RTN3: variants seen among roughly 807,000 people sequenced by gnomAD.
The protein encoded by RTN3 is reticulon 3.
Under a neutral mutation model 77.8 loss-of-function variants are expected in RTN3, and 49 were observed. The observed-to-expected ratio is 0.63, with a 90% CI of 0.50 to 0.80. The LOEUF is 0.80. RTN3 is among the 30% of genes least tolerant of loss of function. The pLI, the probability that RTN3 is intolerant of heterozygous loss-of-function variation, is 0.00. For missense variants in RTN3, 1,236 were observed against 1,211.9 expected (o/e 1.02, Z -0.29); for synonymous variants, 464 against 446.9 (o/e 1.04, Z -0.48).
At chr11:63,732,161 A>G (rs1367603398) in intron 3 of RTN3, among the ~76,000 whole-genome samples, 1 of 152,050 alleles carries the variant, frequency 6.6e-6, no homozygotes, top group Non-Finnish European at 1.5e-5. Flanking sequence ...CAACAAAATT[A>G]TTTTTTATTT....
chr11:63,695,267 T>TAAA, intron 1 of RTN3, among the ~76,000 whole-genome samples: 1 of 152,376 alleles, frequency 6.6e-6, no homozygotes, highest in African/African-American at 2.4e-5. Context: ...TTAGATATTT[T>TAAA]GAGAACTAAG....
chr11:63,726,860 TGAAAAAAAAA>T (rs2012310986), intron 3 of RTN3, among the ~76,000 whole-genome samples: 1 of 89,456 alleles, frequency 1.1e-5, no homozygotes, highest in African/African-American at 3.9e-5. Flanking sequence ...AGACTCCGTC[TGAAAAAAAAA>T]AAAAAAAAGA....
intron 3 of RTN3, among the ~76,000 whole-genome samples, chr11:63,738,283 A>G (rs1258579982): frequency 6.6e-6 from 1 of 151,872 alleles, no homozygotes; most frequent in East Asian, 1.9e-4. Context: ...GGGATGTGTT[A>G]TAGACAAGTT....
chr11:63,727,132 A>G (rs1371067009), intron 3 of RTN3, among the ~76,000 whole-genome samples: 1 of 152,206 alleles, frequency 6.6e-6, no homozygotes, highest in Non-Finnish European at 1.5e-5. Flanking sequence ...CCTGGGTGAC[A>G]GAGTAAGACT....
chr11:63,736,210 A>T (rs774004747), intron 3 of RTN3, among the ~76,000 whole-genome samples: 9 of 152,070 alleles, frequency 5.9e-5, no homozygotes, highest in Non-Finnish European at 1.2e-4. Flanking sequence ...TCAGCTGGGG[A>T]AATCATGCTC....
At chr11:63,736,846 CAA>C (rs1316181299) in intron 3 of RTN3, among the ~76,000 whole-genome samples, 6 of 152,038 alleles carry the variant, frequency 3.9e-5, no homozygotes, top group Non-Finnish European at 8.8e-5. Flanking sequence ...TTATATAACT[CAA>C]ATGCAAAAAC....
rs2011639345 is a variant in RTN3 at position 63,720,007 on chromosome 11, A to G, written c.1505A>G (p.Asp502Gly). The G allele has an allele frequency of 6.2e-7, 1 of 1,614,070 alleles. No individual in the cohort carries two copies. Among genetic ancestry groups the G allele is most frequent in the Admixed American group, 1.7e-5 (1 of 60,002 alleles). Reference sequence around the variant, plus strand: ...GCTGATAGTTCTGGTGAGTCTGATGACACAGTAATAGAGGACATCACAGCA... The same window carrying G: ...GCTGATAGTTCTGGTGAGTCTGATGGCACAGTAATAGAGGACATCACAGCA... ...TEADSSGESDDTVIEDITADT... is the reference protein window; with the variant it reads ...TEADSSGESDGTVIEDITADT... The change falls in exon 3 of 9, where the codon GAC becomes GGC. Residue 502 changes from aspartate (D) to glycine (G), a missense_variant. By Grantham distance (94) the Asp-to-Gly change is moderately conservative. Transcript: ENST00000377819.
intron 3 of RTN3, among the ~76,000 whole-genome samples, chr11:63,736,269 C>T (rs2013113382): frequency 6.6e-6 from 1 of 152,226 alleles, no homozygotes; most frequent in Non-Finnish European, 1.5e-5. Context: ...CCTCTCACAA[C>T]ATGGTAGCTT....
Position 63,719,583 on chromosome 11 carries a change from A to G in RTN3, c.1081A>G (p.Lys361Glu). 6.2e-7 allele frequency: 1 copy of G among 1,614,146 alleles called. No individual in the cohort carries two copies. Among genetic ancestry groups the G allele is most frequent in the Non-Finnish European group, 8.5e-7 (1 of 1,180,032 alleles). Residue 361 changes from lysine to glutamate, a missense_variant, in exon 3 of 9, where the codon AAA becomes GAA. Around this residue, in one of 3 missense-constraint regions of RTN3, gnomAD observed 1,056 missense variants for 990.4 expected, o/e 1.07. Coordinates refer to ENST00000377819, the MANE Select transcript of RTN3 (RefSeq NM_001265589.2). ...QTDKSSDCIT[K>E]TTGLDMSEYN... ...CGATAAATCTTCTGACTGCATCACA[A>G]AAACTACAGGACTTGACATGAGTGA...
intron 1 of RTN3, among the ~76,000 whole-genome samples, chr11:63,701,937 CAAAAAT>C (rs1942256973): frequency 6.6e-6 from 1 of 151,842 alleles, no homozygotes; most frequent in Non-Finnish European, 1.5e-5. Context: ...AACTTTGTCT[CAAAAAT>C]AAATAAATAA....
chr11:63,723,106 A>G (rs1473094282), intron 3 of RTN3, among the ~76,000 whole-genome samples: 1 of 152,212 alleles, frequency 6.6e-6, no homozygotes, highest in Non-Finnish European at 1.5e-5. Flanking sequence ...GCTAATTATT[A>G]GTGATTATCA....
intron 1 of RTN3, among the ~76,000 whole-genome samples, chr11:63,696,868 TC>T (rs1941973859): frequency 1.4e-4 from 10 of 70,838 alleles, no homozygotes; most frequent in Non-Finnish European, 2.1e-4. Context: ...TTTCTTTCTT[TC>T]TTTCTTTCTT....
chr11:63,705,949 T>C (rs924691514), intron 2 of RTN3, among the ~76,000 whole-genome samples: 6 of 152,238 alleles, frequency 3.9e-5, no homozygotes, highest in African/African-American at 1.4e-4. Context: ...GACCCAAATA[T>C]ATGTCAATTG....
At chr11:63,691,399 G>A (rs1941651178) in intron 1 of RTN3, among the ~76,000 whole-genome samples, 1 of 152,098 alleles carries the variant, frequency 6.6e-6, no homozygotes, top group African/African-American at 2.4e-5. Flanking sequence ...GGGATTACAG[G>A]TGTGAGCTAC....
At chr11:63,687,609 A>G (rs768619366) in intron 1 of RTN3, among the ~76,000 whole-genome samples, 18 of 137,808 alleles carry the variant, frequency 1.3e-4, no homozygotes, top group Non-Finnish European at 2.5e-4. Flanking sequence ...GACTCCATCT[A>G]AAAAAAAAAA....
At chr11:63,712,247 G>T (rs1445874610) in intron 2 of RTN3, among the ~76,000 whole-genome samples, 2 of 152,152 alleles carry the variant, frequency 1.3e-5, no homozygotes, top group East Asian at 3.9e-4. Context: ...TCTCTCCCTA[G>T]TAAAAAGGCA....
chr11:63,749,079 C>T (rs756381054), intron 3 of RTN3, among the ~76,000 whole-genome samples: 5 of 151,994 alleles, frequency 3.3e-5, no homozygotes, highest in Admixed American at 2.0e-4. Context: ...GCCAGGAGTT[C>T]GAGACTAGCC....
Position 63,719,280 on chromosome 11 carries a change from G to T in RTN3, c.778G>T (p.Glu260Ter). 3 of 1,614,072 alleles carry T rather than the reference G, an allele frequency of 1.9e-6. No individual in the cohort carries two copies. Among genetic ancestry groups the T allele is most frequent in the Non-Finnish European group, 2.5e-6 (3 of 1,180,010 alleles). ...VIIDKAAFDK[E>*]FKDSYKESTD... is the part of the protein sequence containing the mutation. ...TATTGACAAAGCAGCATTTGACAAA[G>T]AATTTAAAGACTCATATAAGGAGAG... is the stretch of plus-strand genomic sequence containing the variant. Residue 260 changes from glutamate to a stop codon, truncating the protein, a stop_gained, in exon 3 of 9, where the codon GAA becomes TAA. Transcript: ENST00000377819. LOFTEE classifies it high-confidence loss of function.
Position 63,719,293 on chromosome 11 carries a change from CAT to C in RTN3, c.795_796del (p.Tyr265Ter), listed in dbSNP as rs2011583095. ...GCATTTGACAAAGAATTTAAAGACT[CAT>C]ATAAGGAGAGCACAGATGATTTTGG... On this transcript the variant is annotated frameshift_variant, in exon 3 of 9. Coordinates refer to ENST00000377819, the MANE Select transcript of RTN3 (RefSeq NM_001265589.2). LOFTEE classifies it high-confidence loss of function. 6.2e-7 allele frequency: 1 copy of C among 1,614,000 alleles called. No individual in the cohort carries two copies. Among genetic ancestry groups the C allele is most frequent in the African/African-American group, 1.3e-5 (1 of 74,914 alleles).
Sources: gnomAD v4.1 joint callset for allele counts (sites outside exome capture counted in the v4.1 genomes callset) on GRCh38, gnomAD v4.1.1 for gene constraint, gnomAD v4.1.1 regional missense constraint, MANE v1.5 for transcripts, NCBI Gene and HGNC (gene_info 2026-07-23, HGNC 2026-07-21) for gene names.